PPP2R5C: variants seen among roughly 807,000 people sequenced by gnomAD.
PPP2R5C encodes protein phosphatase 2 regulatory subunit B'gamma, also known as serine/threonine-protein phosphatase 2A 56 kDa regulatory subunit gamma isoform.
PPP2R5C carries 7 observed loss-of-function variants against 68.9 expected under a neutral mutation model. That is an observed-to-expected ratio of 0.10 (90% CI 0.06 to 0.19). PPP2R5C has a LOEUF of 0.19. Among genes scored for constraint, PPP2R5C ranks in the 10% least tolerant of loss-of-function variants. PPP2R5C has a pLI of 1.00. For synonymous variants in PPP2R5C, 210 were observed against 222.2 expected (o/e 0.95, Z 0.49); for missense variants, 348 against 641.3 (o/e 0.54, Z 4.94).
intron 5 of PPP2R5C, among the ~76,000 whole-genome samples, chr14:101,884,808 T>C (rs1347640821): frequency 6.6e-6 from 1 of 152,206 alleles, no homozygotes; most frequent in Non-Finnish European, 1.5e-5. Flanking sequence ...GACTTGGCGG[T>C]GGGTCTGGTC....
At chr14:101,851,801 T>G (rs942135847) in intron 1 of PPP2R5C, among the ~76,000 whole-genome samples, 1 of 152,178 alleles carries the variant, frequency 6.6e-6, no homozygotes, top group Non-Finnish European at 1.5e-5. Flanking sequence ...CATGTAAATG[T>G]GGGCTTGGCT....
At chr14:101,806,556 G>A (rs1239462614), upstream of PPP2R5C, among the ~76,000 whole-genome samples, 1 of 151,978 alleles carries the variant, frequency 6.6e-6, no homozygotes, top group Admixed American at 6.6e-5. Context: ...TGTAAATAGT[G>A]GCACAATTTT....
upstream of PPP2R5C, among the ~76,000 whole-genome samples, chr14:101,808,244 T>G (rs1464874234): frequency 6.6e-6 from 1 of 151,824 alleles, no homozygotes; most frequent in African/African-American, 2.4e-5. Context: ...AGCTAAGATC[T>G]AAATTCCTCT....
chr14:101,831,052 T>C (rs74517574), intron 1 of PPP2R5C, among the ~76,000 whole-genome samples: 2 of 152,138 alleles, frequency 1.3e-5, no homozygotes, highest in South Asian at 4.1e-4. Context: ...TAACAACCCA[T>C]GTGCAAATGA....
rs1468685184 is a variant in PPP2R5C, at chr14:101,781,597, T to C, written c.94-4421T>C. On this transcript the variant is annotated intron_variant, in intron 2 of 14. Transcript: ENST00000328724. This position sits in a 1 kb window ranked among gnomAD's most constrained non-coding sequence, Gnocchi z 6.4. ...TCAAGAGTGTTGTCTGTCCCGGCCTTCCAAGGAGACCCTTAGCTCCCGCCG... is the reference window on the plus strand; with the variant it reads ...TCAAGAGTGTTGTCTGTCCCGGCCTCCCAAGGAGACCCTTAGCTCCCGCCG... 1.3e-5 allele frequency among the ~76,000 whole-genome samples: 2 copies of C among 151,944 alleles called. No homozygotes were observed. Among genetic ancestry groups the C allele is most frequent in the Non-Finnish European group, 2.9e-5 (2 of 67,940 alleles).
chr14:101,894,487 T>C lies in PPP2R5C; in HGVS notation c.799-20T>C. 1.2e-6 allele frequency: 2 copies of C among 1,611,368 alleles called. No individual in the cohort carries two copies. Among genetic ancestry groups the C allele is most frequent in the Non-Finnish European group, 1.7e-6 (2 of 1,177,468 alleles). ...TTTTTATGTTGAAATGTTAATGCTC[T>C]TTCTCCTTTTACTTTTTAGCTGGCA... On this transcript the variant is annotated intron_variant, in intron 7 of 13. Coordinates refer to ENST00000334743, the Ensembl canonical transcript of PPP2R5C.
chr14:101,869,300 A>G (rs1467118508), intron 2 of PPP2R5C, among the ~76,000 whole-genome samples: 2 of 152,246 alleles, frequency 1.3e-5, no homozygotes, highest in African/African-American at 4.8e-5. Flanking sequence ...TTGTCTCATT[A>G]TATAAAAGTA....
At chr14:101,839,368 C>G (rs2041318153) in intron 1 of PPP2R5C, 1 of 151,964 alleles carries the variant, frequency 6.6e-6, no homozygotes, top group African/African-American at 2.4e-5. Context: ...AAAAAGAACA[C>G]TCATTTCCAG....
At chr14:101,895,634 C>G (rs559146916) in intron 8 of PPP2R5C, among the ~76,000 whole-genome samples, 1 of 152,144 alleles carries the variant, frequency 6.6e-6, no homozygotes, top group African/African-American at 2.4e-5. Flanking sequence ...TCTTGGGTTG[C>G]GTATCAGAAC....
chr14:101,879,965 G>A lies in PPP2R5C; in HGVS notation c.295-2196G>A, dbSNP rs2044053617. On this transcript the variant is annotated intron_variant, in intron 2 of 13. Coordinates refer to ENST00000334743, the Ensembl canonical transcript of PPP2R5C. This position sits in a 1 kb window ranked among gnomAD's most constrained non-coding sequence, Gnocchi z 4.2. The stretch of plus-strand genomic sequence containing the variant: ...ATAGTTGAGCTTTTAGCATCTGCTT[G>A]TTCACGTCTGTGGGCTTTGGGGTCA... 6.6e-6 allele frequency among the ~76,000 whole-genome samples: 1 copy of A among 152,184 alleles called. No homozygotes were observed. The highest frequency in any genetic ancestry group is 2.4e-5 in the African/African-American group (1 of 41,428).
At position 101,781,549 on chromosome 14, in the gene PPP2R5C, C is replaced by T. The variant is rs1228121205; in HGVS notation, c.94-4469C>T. Reference sequence around the variant, plus strand: ...GCGCCTTCCTGGGCGCCTGACGCACCCCTCTGCCCCAACCACGTTTTCTCA... The same window carrying T: ...GCGCCTTCCTGGGCGCCTGACGCACTCCTCTGCCCCAACCACGTTTTCTCA... On this transcript the variant is annotated intron_variant, in intron 2 of 14. Transcript: ENST00000328724. This position sits in a 1 kb window ranked among gnomAD's most constrained non-coding sequence, Gnocchi z 6.4. Among the ~76,000 whole-genome samples, 3 of 152,050 alleles carry T rather than the reference C, an allele frequency of 2.0e-5. No individual in the cohort carries two copies. Among genetic ancestry groups the T allele is most frequent in the African/African-American group, 7.2e-5 (3 of 41,394 alleles).
At chr14:101,919,993 C>CAAAACAAAAAAAA (rs367834588) in intron 13 of PPP2R5C, among the ~76,000 whole-genome samples, 41 of 117,476 alleles carry the variant, frequency 3.5e-4, no homozygotes, top group Non-Finnish European at 6.2e-4. Flanking sequence ...AAAAAAAAAA[C>CAAAACAAAAAAAA]CAATTCTTAC....
At chr14:101,785,943 T>C (rs901799357) in intron 2 of PPP2R5C, 75 bp from the exon 3 acceptor site, 1 of 1,334,564 alleles carries the variant, frequency 7.5e-7, no homozygotes, top group Non-Finnish European at 9.9e-7. Flanking sequence ...CATGTATATG[T>C]TTTTCTATAT....
intron 9 of PPP2R5C, among the ~76,000 whole-genome samples, chr14:101,902,267 C>T (rs1306222839): frequency 6.6e-6 from 1 of 152,182 alleles, no homozygotes; most frequent in African/African-American, 2.4e-5. Context: ...CGAGGCCCTT[C>T]GTTCCTGACA....
intron 2 of PPP2R5C, among the ~76,000 whole-genome samples, chr14:101,874,200 C>G (rs1421422386): frequency 6.6e-6 from 1 of 152,184 alleles, no homozygotes; most frequent in Admixed American, 6.5e-5. Context: ...GAGTTTAGCT[C>G]TGAAACTTCC....
chr14:101,855,434 A>G (rs2042363430), intron 1 of PPP2R5C, among the ~76,000 whole-genome samples: 1 of 152,158 alleles, frequency 6.6e-6, no homozygotes, highest in Non-Finnish European at 1.5e-5. Context: ...TATTACACCA[A>G]AAGTTAGTAT....
chr14:101,918,045 T>G, intron 13 of PPP2R5C, 98 bp downstream of exon 15: 2 of 1,512,528 alleles, frequency 1.3e-6, no homozygotes, highest in South Asian at 1.2e-5. Context: ...GCCTTCTGTT[T>G]AAGCTGAAAT....
chr14:101,900,682 G>A (rs2045632514), intron 8 of PPP2R5C, among the ~76,000 whole-genome samples: 1 of 152,234 alleles, frequency 6.6e-6, no homozygotes, highest in Non-Finnish European at 1.5e-5. Context: ...ATTGTGGTAA[G>A]ACATTTGGAA....
chr14:101,881,389 G>A (rs115367031), intron 2 of PPP2R5C, among the ~76,000 whole-genome samples: 1,623 of 152,270 alleles, frequency 0.011, 30 homozygotes, highest in African/African-American at 0.037. Context: ...CGCAGAGGGA[G>A]ACGTCACCTC....
Sources: allele counts gnomAD v4.1 joint callset (sites outside exome capture counted in the v4.1 genomes callset), GRCh38; gene constraint gnomAD v4.1.1; non-coding constraint Gnocchi (gnomAD v3.1); transcripts MANE v1.5; gene names NCBI Gene and HGNC (gene_info 2026-07-23, HGNC 2026-07-21).